The following LYPD6 variants were observed in gnomAD, a reference collection of about 807,000 sequenced individuals.
LYPD6 encodes the protein ly6/PLAUR domain-containing protein 6.
A neutral mutation model predicts 22.7 loss-of-function variants in LYPD6; 15 were observed. That is an observed-to-expected ratio of 0.66 (90% CI 0.44 to 1.02). The LOEUF (loss-of-function observed/expected upper bound fraction) is 1.02. Among genes scored for constraint, LYPD6 ranks in the 50% least tolerant of loss-of-function variants. LYPD6 has a pLI of 0.00. For synonymous variants in LYPD6, 72 were observed against 77.5 expected (o/e 0.93, Z 0.37); for missense variants, 189 against 208.4 (o/e 0.91, Z 0.57).
At chr2:149,380,519 T>C (rs998585571) in intron 1 of LYPD6, among the ~76,000 whole-genome samples, 2 of 152,112 alleles carry the variant, frequency 1.3e-5, no homozygotes, top group African/African-American at 4.8e-5. Flanking sequence ...TCCAAGCATT[T>C]TGGCCTGAAC....
chr2:149,353,552 A>T (rs1201214103), intron 1 of LYPD6, among the ~76,000 whole-genome samples: 2 of 152,062 alleles, frequency 1.3e-5, no homozygotes, highest in African/African-American at 4.8e-5. Flanking sequence ...AGTGCTTTGA[A>T]CCTGTGATAT....
chr2:149,405,627 C>T (rs946825533), intron 1 of LYPD6, among the ~76,000 whole-genome samples: 1 of 152,082 alleles, frequency 6.6e-6, no homozygotes, highest in Non-Finnish European at 1.5e-5. Flanking sequence ...TCTCTGTTTT[C>T]TTCTTTATTA....
intron 1 of LYPD6, among the ~76,000 whole-genome samples, chr2:149,377,932 C>T (rs1420011637): frequency 1.3e-5 from 2 of 152,036 alleles, no homozygotes; most frequent in East Asian, 3.9e-4. Flanking sequence ...AATATACCAT[C>T]TCCAATGTGC....
intron 1 of LYPD6, among the ~76,000 whole-genome samples, chr2:149,431,020 T>G (rs1261991326): frequency 6.6e-6 from 1 of 152,212 alleles, no homozygotes; most frequent in Non-Finnish European, 1.5e-5. Flanking sequence ...TGAACTAATT[T>G]TTTTTTTTCT....
Position 149,438,455 on chromosome 2 carries a change from T to A in LYPD6, c.118+629T>A, listed in dbSNP as rs765191699. ...GCTTTAGGAAACACAGCAGTTTGACTTCCTCTTTTGGTCTCTATCTTTGTA... is the reference window on the plus strand; with the variant it reads ...GCTTTAGGAAACACAGCAGTTTGACATCCTCTTTTGGTCTCTATCTTTGTA... On this transcript the variant is annotated intron_variant, in intron 2 of 4. Coordinates refer to ENST00000334166, the MANE Select transcript of LYPD6 (RefSeq NM_194317.5). Among the ~76,000 whole-genome samples, 5 of 152,224 alleles carry A rather than the reference T, an allele frequency of 3.3e-5. No homozygotes were observed. The East Asian group carries it at 9.6e-4, about 29-fold the overall frequency.
intron 1 of LYPD6, among the ~76,000 whole-genome samples, chr2:149,433,594 C>T (rs1277417492): frequency 2.0e-5 from 3 of 152,144 alleles, no homozygotes; most frequent in Admixed American, 2.0e-4. Context: ...GCAATTGTAG[C>T]CATTTGGGGT....
chr2:149,370,692 C>T (rs908169234), intron 1 of LYPD6: 1 of 152,174 alleles, frequency 6.6e-6, no homozygotes, highest in African/African-American at 2.4e-5. Context: ...AACAAACAGA[C>T]TCGGACAATT....
At chr2:149,449,202 C>T (rs1683756380) in intron 3 of LYPD6, 55 bp downstream of exon 3, 3 of 1,222,758 alleles carry the variant, frequency 2.5e-6, no homozygotes, top group Non-Finnish European at 1.2e-6. Context: ...AGTGAACAGC[C>T]CTTTTGACTT....
rs79837361 is a variant in LYPD6 at position 149,352,753 on chromosome 2, T to C, written c.-72+22031T>C. Among the ~76,000 whole-genome samples, 1,034 of 152,342 alleles carry C rather than the reference T, an allele frequency of 6.8e-3. 13 individuals carry two copies. The highest frequency in any genetic ancestry group is 0.022 in the African/African-American group (935 of 41,574). On this transcript the variant is annotated intron_variant, in intron 1 of 4. Coordinates refer to ENST00000334166, the MANE Select transcript of LYPD6 (RefSeq NM_194317.5). ...CCCTCAAAGCCTAAAATATTTGTTATCTGGCCCTTTATAGAAAAAGTTTGC... is the reference window on the plus strand; with the variant it reads ...CCCTCAAAGCCTAAAATATTTGTTACCTGGCCCTTTATAGAAAAAGTTTGC...
At chr2:149,429,617 G>C (rs995969475) in intron 1 of LYPD6, among the ~76,000 whole-genome samples, 2 of 152,222 alleles carry the variant, frequency 1.3e-5, no homozygotes, top group African/African-American at 4.8e-5. Flanking sequence ...TGCTTTGCAA[G>C]TCACCACAGA....
At chr2:149,426,355 A>G (rs1490093655) in intron 1 of LYPD6, among the ~76,000 whole-genome samples, 2 of 152,224 alleles carry the variant, frequency 1.3e-5, no homozygotes, top group East Asian at 1.9e-4. Context: ...GCCAGGTAGG[A>G]CACAAGATTC....
intron 1 of LYPD6, among the ~76,000 whole-genome samples, chr2:149,380,480 T>G (rs777793266): frequency 1.3e-5 from 2 of 152,054 alleles, no homozygotes; most frequent in African/African-American, 2.4e-5. Context: ...AAGTTGTGAG[T>G]GTGGGACAAA....
At chr2:149,440,632 G>T (rs945102350) in intron 2 of LYPD6, among the ~76,000 whole-genome samples, 1 of 146,018 alleles carries the variant, frequency 6.8e-6, no homozygotes, top group African/African-American at 2.5e-5. Context: ...GTAAATTGTT[G>T]TTAGAGTGAA....
At chr2:149,466,627 T>A (rs1261340980) in intron 3 of LYPD6, among the ~76,000 whole-genome samples, 7 of 152,214 alleles carry the variant, frequency 4.6e-5, no homozygotes, top group Non-Finnish European at 1.5e-5. Flanking sequence ...GATATTTTGT[T>A]AAAGATAGAA....
rs576365368 is a variant in LYPD6, at chr2:149,335,022, C to T, written c.-72+4300C>T. On this transcript the variant is annotated intron_variant, in intron 1 of 4. Coordinates refer to ENST00000334166, the MANE Select transcript of LYPD6 (RefSeq NM_194317.5). ...TTACCAGTCTTAGAAGAGTATAGCA[C>T]GTACAATTATGTACAGTACATACTA... Among the ~76,000 whole-genome samples, 34 of 152,136 alleles carry T rather than the reference C, an allele frequency of 2.2e-4. No homozygotes were observed. In the South Asian group the frequency reaches 4.6e-3, roughly 20 times the overall value.
intron 1 of LYPD6, among the ~76,000 whole-genome samples, chr2:149,426,454 G>C (rs375574914): frequency 6.6e-6 from 1 of 152,154 alleles, no homozygotes; most frequent in Non-Finnish European, 1.5e-5. Context: ...TATTCTTCAC[G>C]TTCTCTAACC....
chr2:149,470,364 T>C (rs1386712770), intron 4 of LYPD6, among the ~76,000 whole-genome samples: 1 of 152,096 alleles, frequency 6.6e-6, no homozygotes, highest in Non-Finnish European at 1.5e-5. Context: ...CACGGACGAG[T>C]TTCTTTATTC....
chr2:149,397,225 G>T (rs1263672297), intron 1 of LYPD6, among the ~76,000 whole-genome samples: 1 of 152,184 alleles, frequency 6.6e-6, no homozygotes, highest in African/African-American at 2.4e-5. Flanking sequence ...TAGCTGGGCA[G>T]TTCTTGCTTG....
chr2:149,368,920 C>A (rs1681741319), intron 1 of LYPD6, among the ~76,000 whole-genome samples: 1 of 152,040 alleles, frequency 6.6e-6, no homozygotes, highest in Admixed American at 6.6e-5. Flanking sequence ...ACTCGCCAGT[C>A]TACAAAATAT....
Sources: allele counts gnomAD v4.1 joint callset (sites outside exome capture counted in the v4.1 genomes callset), GRCh38; gene constraint gnomAD v4.1.1; transcripts MANE v1.5; gene names NCBI Gene and HGNC (gene_info 2026-07-23, HGNC 2026-07-21).